SHANK2: variants seen among roughly 807,000 people sequenced by gnomAD.
SHANK2 encodes SH3 and multiple ankyrin repeat domains protein 2.
Under a neutral mutation model 133.7 loss-of-function variants are expected in SHANK2, and 43 were observed. The ratio of observed to expected loss-of-function variants is 0.32; its 90% confidence interval spans 0.25 to 0.41. The LOEUF (loss-of-function observed/expected upper bound fraction) is 0.41, where lower values mean the gene tolerates loss of function less well. Ranked by LOEUF, SHANK2 falls within the 10% of genes least tolerant of loss-of-function variation. SHANK2 has a pLI of 1.00. For missense variants in SHANK2, 1,994 were observed against 2,235.8 expected, an observed-to-expected ratio of 0.89 and a Z score of 2.18; for synonymous variants, 1,017 against 952.8, an observed-to-expected ratio of 1.07 and a Z score of -1.24.
intron 2 of SHANK2, among the ~76,000 whole-genome samples, chr11:71,182,648 T>A (rs1196834604): frequency 6.6e-6 from 1 of 152,154 alleles, no homozygotes; most frequent in Admixed American, 6.5e-5. Flanking sequence ...TCTGGACCCA[T>A]CTAACATTTC....
chr11:70,952,169 G>A (rs767711253), intron 10 of SHANK2, among the ~76,000 whole-genome samples: 1 of 152,170 alleles, frequency 6.6e-6, no homozygotes, highest in Non-Finnish European at 1.5e-5. Flanking sequence ...CTGCAGACGG[G>A]AATGCTAGGC....
chr11:70,862,183 C>T (rs1194684859), intron 11 of SHANK2, among the ~76,000 whole-genome samples: 1 of 152,170 alleles, frequency 6.6e-6, no homozygotes, highest in Non-Finnish European at 1.5e-5. Flanking sequence ...TGCCCAGGTG[C>T]CAGCTCCCCG....
intron 17 of SHANK2, among the ~76,000 whole-genome samples, chr11:70,506,818 G>A (rs1410289036): frequency 6.6e-6 from 1 of 152,136 alleles, no homozygotes; most frequent in Non-Finnish European, 1.5e-5. Flanking sequence ...CAGGACACCT[G>A]CCTCTCTAGC....
At chr11:70,868,704 C>T (rs1323138478) in intron 11 of SHANK2, among the ~76,000 whole-genome samples, 1 of 152,240 alleles carries the variant, frequency 6.6e-6, no homozygotes, top group Non-Finnish European at 1.5e-5. Context: ...AGCACAGTCA[C>T]TGGAGCTGCC....
chr11:71,226,595 G>C (rs1954648278), intron 1 of SHANK2: 1 of 152,096 alleles, frequency 6.6e-6, no homozygotes, highest in African/African-American at 2.4e-5. Context: ...GAGACCAAAA[G>C]AAAGTGGCAC....
At chr11:70,905,417 T>C (rs1283930622) in intron 10 of SHANK2, among the ~76,000 whole-genome samples, 3 of 152,214 alleles carry the variant, frequency 2.0e-5, no homozygotes, top group Non-Finnish European at 4.4e-5. Context: ...TCCTGCTTCA[T>C]GTAAGCCTGC....
At position 70,626,697 on chromosome 11, in the gene SHANK2, T is replaced by C. The variant is rs377142013; in HGVS notation, c.2061+33131A>G. Among the ~76,000 whole-genome samples, 52 of 152,286 alleles carry C rather than the reference T, an allele frequency of 3.4e-4. 1 individual carries two copies. Among genetic ancestry groups the C allele is most frequent in the African/African-American group, 1.2e-3 (50 of 41,554 alleles). ...TCCAGCCCTGGACCAGAGGCTACTA[T>C]CCCTGTAGTACCTCTGAAAGGCCAA... On this transcript the variant is annotated intron_variant, in intron 17 of 25. Transcript: ENST00000601538.
chr11:71,071,004 T>C (rs2135967303), intron 9 of SHANK2, among the ~76,000 whole-genome samples: 1 of 152,366 alleles, frequency 6.6e-6, no homozygotes, highest in South Asian at 2.1e-4. Context: ...CAAAATGTGT[T>C]AACCTTTTCT....
At chr11:71,149,133 G>C (rs574952274) in intron 2 of SHANK2, among the ~76,000 whole-genome samples, 1 of 152,174 alleles carries the variant, frequency 6.6e-6, no homozygotes, top group Admixed American at 6.5e-5. Context: ...AGGAGTGCAG[G>C]GGGCAGAAGA....
intron 14 of SHANK2, among the ~76,000 whole-genome samples, chr11:70,745,554 C>T (rs901616468): frequency 6.6e-6 from 1 of 152,220 alleles, no homozygotes; most frequent in Non-Finnish European, 1.5e-5. Context: ...TGGTGACTAC[C>T]CTTGGAGTGT....
At chr11:71,167,726 C>G (rs1286273938) in intron 2 of SHANK2, among the ~76,000 whole-genome samples, 98 of 136,016 alleles carry the variant, frequency 7.2e-4, no homozygotes, top group Admixed American at 1.1e-3. Context: ...GGGCTCCTCA[C>G]TTCCCAGTAG....
At chr11:70,895,591 C>T (rs1276540091) in intron 11 of SHANK2, 1 of 152,580 alleles carries the variant, frequency 6.6e-6, no homozygotes, top group East Asian at 1.9e-4. Flanking sequence ...TGGCCATCAG[C>T]ACAACTGCGG....
intron 2 of SHANK2, chr11:71,174,706 T>A (rs7932968): frequency 0.7 from 103,709 of 148,246 alleles, 37,507 homozygotes; most frequent in East Asian, 0.95. Flanking sequence ...AATCAAAAAT[T>A]AGCTGAGTGT....
chr11:70,897,673 C>A (rs1331961065), intron 10 of SHANK2, among the ~76,000 whole-genome samples: 1 of 152,144 alleles, frequency 6.6e-6, no homozygotes, highest in African/African-American at 2.4e-5. Flanking sequence ...TTAAATCAAC[C>A]TTTCTTCTTG....
chr11:70,562,736 C>T (rs1344949425), intron 17 of SHANK2, among the ~76,000 whole-genome samples: 2 of 152,134 alleles, frequency 1.3e-5, no homozygotes, highest in Admixed American at 6.6e-5. Context: ...GTGTTTATAT[C>T]GTCTGCATTT....
rs80229557 is a variant in SHANK2, at chr11:71,113,015, G to C, written c.483+278C>G. Among the ~76,000 whole-genome samples, 211 of 152,284 alleles carry C rather than the reference G, an allele frequency of 1.4e-3. 1 individual carries two copies. The highest frequency in any genetic ancestry group is 4.7e-3 in the African/African-American group (195 of 41,552). The stretch of plus-strand genomic sequence containing the variant: ...AGGCGTCCAGATCCCACTCTCTTCA[G>C]AGATGCCGCTTTTGACCCTCCCTGG... On this transcript the variant is annotated intron_variant, in intron 5 of 25. Coordinates refer to ENST00000601538, the MANE Select transcript of SHANK2 (RefSeq NM_012309.5).
Position 70,614,312 on chromosome 11 carries a change from G to GTTT in SHANK2, c.2061+45513_2061+45515dup, listed in dbSNP as rs150637798. ...CTGTTTTAAGCCAGACAGTCTGTGG[G>GTTT]TTTTGTTTTTTTTTTTGAGACAGAG... On this transcript the variant is annotated intron_variant, in intron 17 of 25. Coordinates refer to ENST00000601538, the MANE Select transcript of SHANK2 (RefSeq NM_012309.5). Among the ~76,000 whole-genome samples the GTTT allele has an allele frequency of 4.1e-3, 597 of 147,064 alleles. 7 individuals are homozygous for GTTT. The highest frequency in any genetic ancestry group is 6.7e-3 in the Non-Finnish European group (443 of 66,510).
chr11:71,130,838 G>A (rs1239015300), intron 3 of SHANK2, among the ~76,000 whole-genome samples: 3 of 152,202 alleles, frequency 2.0e-5, no homozygotes, highest in Non-Finnish European at 2.9e-5. Flanking sequence ...CGCAGACCCC[G>A]GGGACGATCA....
chr11:71,179,058 T>C (rs984791764), intron 2 of SHANK2, among the ~76,000 whole-genome samples: 2 of 152,162 alleles, frequency 1.3e-5, no homozygotes, highest in Non-Finnish European at 2.9e-5. Context: ...AGGATTATAT[T>C]TTTTTCCAGA....
Sources: gnomAD v4.1 joint callset for allele counts (sites outside exome capture counted in the v4.1 genomes callset) on GRCh38, gnomAD v4.1.1 for gene constraint, MANE v1.5 for transcripts, NCBI Gene and HGNC (gene_info 2026-07-23, HGNC 2026-07-21) for gene names.